Variants in LYAR observed in about 807,000 individuals in gnomAD.
The protein encoded by LYAR is cell growth-regulating nucleolar protein.
In LYAR, 37 loss-of-function variants were observed where a neutral mutation model predicts 45.2. The ratio of observed to expected loss-of-function variants is 0.82; its 90% CI spans 0.63 to 1.08. The LOEUF is 1.08. Among genes scored for constraint, LYAR ranks in the 50% least tolerant of loss-of-function variants. The probability of loss-of-function intolerance (pLI) is 0.00; values close to 1 mark genes in which losing one functional copy is unlikely to be tolerated. For synonymous variants in LYAR, 176 were observed against 155.1 expected (o/e 1.14, Z -1.00); for missense variants, 493 against 451.0 (o/e 1.09, Z -0.84).
In LYAR at chr4:4,279,747, T is replaced by G. The variant is rs778912585; in HGVS notation, c.240A>C (p.Lys80Asn). The stretch of plus-strand genomic sequence containing the variant: ...TGGGTCTCTTTATTAATTCACTAAT[T>G]TTCTACAAAAAGGGAAGAAAAAAGA... ...GDIKQQAWIQ[K>N]ISELIKRPNV... Residue 80 changes from lysine (K) to asparagine (N), a missense_variant and splice_region_variant, in exon 5 of 10, where the codon AAA becomes AAC. Coordinates refer to ENST00000343470, the MANE Select transcript of LYAR (RefSeq NM_017816.3). 1 of 1,582,328 alleles carries G rather than the reference T, an allele frequency of 6.3e-7. No homozygotes were observed. Among genetic ancestry groups the G allele is most frequent in the Non-Finnish European group, 8.6e-7 (1 of 1,159,846 alleles).
At chr4:4,272,327 C>T (rs1036695412) in intron 8 of LYAR, among the ~76,000 whole-genome samples, 7 of 152,136 alleles carry the variant, frequency 4.6e-5, no homozygotes, top group Non-Finnish European at 7.4e-5. Flanking sequence ...GTAACAACAA[C>T]AACAAAAATA....
At chr4:4,279,610 G>A (rs373857681) in intron 5 of LYAR, 32 bp downstream of exon 5, 11 of 1,580,916 alleles carry the variant, frequency 7.0e-6, no homozygotes, top group African/African-American at 5.4e-5. Context: ...TGGGCCACAC[G>A]GCCCCCTCCA....
intron 2 of LYAR, among the ~76,000 whole-genome samples, chr4:4,284,129 C>G (rs1235603674): frequency 6.6e-6 from 1 of 152,152 alleles, no homozygotes; most frequent in African/African-American, 2.4e-5. Flanking sequence ...ACATAACTTG[C>G]CCAAGGATAC....
intron 6 of LYAR, among the ~76,000 whole-genome samples, chr4:4,275,774 C>T (rs1170696398): frequency 6.6e-6 from 1 of 152,060 alleles, no homozygotes; most frequent in Non-Finnish European, 1.5e-5. Context: ...CAGCTCACTG[C>T]AACCTCCACC....
intron 1 of LYAR, among the ~76,000 whole-genome samples, chr4:4,288,735 C>G (rs566733900): frequency 4.6e-5 from 7 of 152,296 alleles, no homozygotes; most frequent in African/African-American, 1.4e-4. Context: ...ATCCACCCTC[C>G]TCGGCCTCCC....
At chr4:4,285,068 C>T (rs1719553852) in intron 2 of LYAR, among the ~76,000 whole-genome samples, 1 of 152,190 alleles carries the variant, frequency 6.6e-6, no homozygotes, top group African/African-American at 2.4e-5. Context: ...CTGGCTGCAT[C>T]TCCAGGGTTC....
chr4:4,274,873 G>A (rs997372931), intron 6 of LYAR, 104 bp from the exon 7 acceptor site: 4 of 1,178,836 alleles, frequency 3.4e-6, no homozygotes, highest in East Asian at 2.4e-5. Context: ...CAAGAAAAAC[G>A]GTTGGTTTAA....
intron 1 of LYAR, chr4:4,289,831 C>G (rs2920258): frequency 0.39 from 58,880 of 152,166 alleles, 12,228 homozygotes; most frequent in East Asian, 0.55. Context: ...CCCAGGACGC[C>G]GGACCTTAAG....
At chr4:4,273,001 G>C (rs1719003607) in intron 8 of LYAR, among the ~76,000 whole-genome samples, 1 of 152,154 alleles carries the variant, frequency 6.6e-6, no homozygotes, top group East Asian at 1.9e-4. Context: ...GAAGGCCAGG[G>C]ACTGGATTCT....
chr4:4,268,757 C>T (rs545285515), intron 8 of LYAR, 142 bp from the exon 9 acceptor site: 2 of 596,802 alleles, frequency 3.4e-6, no homozygotes, highest in Admixed American at 3.0e-5. Flanking sequence ...CACCAAGCAT[C>T]TGTTCAATTC....
Position 4,268,082 on chromosome 4 carries a change from T to C in LYAR, c.1006-59A>G. On this transcript the variant is annotated intron_variant, in intron 9 of 9. Coordinates refer to ENST00000343470, the MANE Select transcript of LYAR (RefSeq NM_017816.3). ...GACCTGGAAAATTATCTTAAAATGT[T>C]CTGTCTTTAACCCAGAAATAGAACA... 2.8e-6 allele frequency: 4 copies of C among 1,437,208 alleles called. No individual in the cohort carries two copies. The South Asian group carries it at 4.3e-5, about 16-fold the overall frequency. The allele number at this position is 1,437,208 out of a possible 1,614,324, so 89.0% of individuals were successfully genotyped here.
chr4:4,283,203 T>C (rs1719472825), intron 3 of LYAR, among the ~76,000 whole-genome samples: 1 of 152,202 alleles, frequency 6.6e-6, no homozygotes, highest in South Asian at 2.1e-4. Context: ...CAGGCTGGAG[T>C]GCAGTGGTGA....
chr4:4,275,888 G>T lies in LYAR; in HGVS notation c.430-1119C>A, dbSNP rs191069631. Among the ~76,000 whole-genome samples the T allele has an allele frequency of 3.0e-4, 46 of 152,270 alleles. No homozygotes were observed. The East Asian group carries it at 7.7e-3, about 26-fold the overall frequency. On this transcript the variant is annotated intron_variant, in intron 6 of 9. Coordinates refer to ENST00000343470, the MANE Select transcript of LYAR (RefSeq NM_017816.3). ...TTTTTGTATTTTTAGTAGAGACAGG[G>T]TTTCACCATGTTGGCCAGGCTGATC...
intron 6 of LYAR, 74 bp downstream of exon 6, chr4:4,279,373 A>G: frequency 3.8e-6 from 4 of 1,063,958 alleles, no homozygotes; most frequent in Non-Finnish European, 5.6e-6. Flanking sequence ...TGACTTCCAA[A>G]AATAAGAAAT....
At chr4:4,287,402 T>G (rs918133134) in intron 1 of LYAR, among the ~76,000 whole-genome samples, 1 of 152,312 alleles carries the variant, frequency 6.6e-6, no homozygotes, top group Non-Finnish European at 1.5e-5. Flanking sequence ...GTCCTCTGCG[T>G]GTGCTCCTGG....
intron 2 of LYAR, among the ~76,000 whole-genome samples, chr4:4,285,588 C>T (rs866034858): frequency 9.5e-4 from 145 of 152,358 alleles, no homozygotes; most frequent in African/African-American, 3.3e-3. Context: ...AATAGATTGT[C>T]ATCACAGGCA....
At chr4:4,272,704 T>C (rs191312498) in intron 8 of LYAR, among the ~76,000 whole-genome samples, 150 of 152,312 alleles carry the variant, frequency 9.8e-4, no homozygotes, top group African/African-American at 3.2e-3. Context: ...CAATTGTTTA[T>C]TTCTGGAATT....
chr4:4,279,368 TC>T, intron 6 of LYAR, 78 bp downstream of exon 6: 1 of 1,011,288 alleles, frequency 9.9e-7, no homozygotes. Flanking sequence ...TGCCTTGACT[TC>T]CAAAAATAAG....
Position 4,274,602 on chromosome 4 carries a change from C to T in LYAR, c.597G>A (p.Arg199=), listed in dbSNP as rs775296298. ...ACTTTAGTTCTTTCTTTTCTCTTTT[C>T]CTTTTCTTCTGCCGTTCTTCCTTTC... ...RERKEERQKK[R]KREKKELKLE... Residue 199 remains arginine, a synonymous_variant, in exon 7 of 10, where the codon AGG becomes AGA. Coordinates refer to ENST00000343470, the MANE Select transcript of LYAR (RefSeq NM_017816.3). 1.9e-6 allele frequency: 3 copies of T among 1,613,662 alleles called. No individual in the cohort carries two copies. Among genetic ancestry groups the T allele is most frequent in the African/African-American group, 1.3e-5 (1 of 74,830 alleles).
Sources: gnomAD v4.1 joint callset for allele counts (sites outside exome capture counted in the v4.1 genomes callset) on GRCh38, gnomAD v4.1.1 for gene constraint, MANE v1.5 for transcripts, NCBI Gene and HGNC (gene_info 2026-07-23, HGNC 2026-07-21) for gene names.